Variants in GRM8 observed in about 807,000 individuals in gnomAD.
GRM8 encodes metabotropic glutamate receptor 8.
In GRM8, 47 loss-of-function variants were observed where a neutral mutation model predicts 87.2. The observed-to-expected ratio is 0.54, with a 90% CI of 0.43 to 0.69. The LOEUF (loss-of-function observed/expected upper bound fraction) is 0.69, where lower values mean the gene tolerates loss of function less well. Among genes scored for constraint, GRM8 ranks in the 30% least tolerant of loss-of-function variants. The pLI is 0.00. For missense variants in GRM8, 1,019 were observed against 1,139.2 expected (o/e 0.89, Z 1.52); for synonymous variants, 396 against 404.5 (o/e 0.98, Z 0.25).
chr7:126,477,569 A>AAGAAAGAAAGAG (rs1481443695), intron 9 of GRM8, among the ~76,000 whole-genome samples: 1 of 104,544 alleles, frequency 9.6e-6, no homozygotes, highest in African/African-American at 3.7e-5. Context: ...AAGAGAAAGA[A>AAGAAAGAAAGAG]AGAAAGAAAG....
At chr7:126,560,453 C>G (rs1230559458) in intron 8 of GRM8, among the ~76,000 whole-genome samples, 1 of 151,938 alleles carries the variant, frequency 6.6e-6, no homozygotes, top group African/African-American at 2.4e-5. Context: ...TTTTAGTCAG[C>G]CTTCTATTGT....
At chr7:127,033,033 T>C (rs1329562833) in intron 3 of GRM8, among the ~76,000 whole-genome samples, 3 of 147,288 alleles carry the variant, frequency 2.0e-5, no homozygotes, top group African/African-American at 7.6e-5. Context: ...TCTAACATGG[T>C]ATCTTGTTTT....
chr7:126,730,974 T>G lies in GRM8; in HGVS notation c.1357+38891A>C, dbSNP rs150923746. ...AATTGTTTGGTAAACATTACAGCAT[T>G]TTATTAACAAACCTTGTTAAAAGTT... On this transcript the variant is annotated intron_variant, in intron 7 of 10. Coordinates refer to ENST00000339582, the MANE Select transcript of GRM8 (RefSeq NM_000845.3). Among the ~76,000 whole-genome samples, 291 of 152,266 alleles carry G rather than the reference T, an allele frequency of 1.9e-3. 1 individual carries two copies. The highest frequency in any genetic ancestry group is 3.2e-3 in the Non-Finnish European group (220 of 67,992).
At chr7:127,015,001 AAAGAAG>A (rs538403014) in intron 3 of GRM8, among the ~76,000 whole-genome samples, 5,029 of 59,536 alleles carry the variant, frequency 0.084, 319 homozygotes, top group Middle Eastern at 0.12. Flanking sequence ...GAAGAAGAAG[AAAGAAG>A]AAGAAGAAGA....
chr7:127,009,085 T>C (rs113372729), intron 3 of GRM8, among the ~76,000 whole-genome samples: 1 of 151,942 alleles, frequency 6.6e-6, no homozygotes, highest in Non-Finnish European at 1.5e-5. Flanking sequence ...TTTTTTTTTT[T>C]CCATCCCTGC....
At chr7:126,690,514 T>C (rs908017975) in intron 7 of GRM8, among the ~76,000 whole-genome samples, 2 of 151,706 alleles carry the variant, frequency 1.3e-5, no homozygotes, top group Non-Finnish European at 2.9e-5. Flanking sequence ...GCCCCAAGAG[T>C]GTGTCACATC....
Position 127,085,597 on chromosome 7 carries a change from A to C in GRM8, c.727+20899T>G, listed in dbSNP as rs916873175. Among the ~76,000 whole-genome samples, 2 of 152,222 alleles carry C rather than the reference A, an allele frequency of 1.3e-5. 1 individual carries two copies. Among genetic ancestry groups the C allele is most frequent in the South Asian group, 4.1e-4 (2 of 4,834 alleles). On this transcript the variant is annotated intron_variant, in intron 3 of 10. Coordinates refer to ENST00000339582, the MANE Select transcript of GRM8 (RefSeq NM_000845.3). ...ATTTTTTCATATGTCTGTTGGCTGC[A>C]TAAATGTGTTCTTTTGAGAAGTGTC...
chr7:126,871,904 T>G (rs1276488441), intron 6 of GRM8, among the ~76,000 whole-genome samples: 1 of 152,204 alleles, frequency 6.6e-6, no homozygotes, highest in African/African-American at 2.4e-5. Context: ...GAGACAACTT[T>G]GTGGTTGATC....
chr7:126,853,192 T>C (rs1340160070), intron 6 of GRM8, among the ~76,000 whole-genome samples: 1 of 152,206 alleles, frequency 6.6e-6, no homozygotes, highest in Admixed American at 6.5e-5. Context: ...CCTTAGAGGA[T>C]GAAAGAATCA....
chr7:127,156,379 C>CT (rs1792734930), intron 2 of GRM8, among the ~76,000 whole-genome samples: 1 of 152,150 alleles, frequency 6.6e-6, no homozygotes, highest in Non-Finnish European at 1.5e-5. Flanking sequence ...CTCACTGTCC[C>CT]TCTCCACAGC....
In GRM8 at chr7:126,533,613, A is replaced by G. The variant is rs1815206913; in HGVS notation, c.1769T>C (p.Val590Ala). ...GGTGGCGATGATTCCCAATATTGCA[A>G]CAAACACAGGCACCACAGCCCAGGG... ...HSPWAVVPVFVAILGIIATTF... is the reference protein window; with the variant it reads ...HSPWAVVPVFAAILGIIATTF... The change falls in exon 9 of 11, where the codon GTT becomes GCT. Residue 590 changes from valine (V) to alanine (A), a missense_variant. By Grantham distance (64) the Val-to-Ala change is moderately conservative. Coordinates refer to ENST00000339582, the MANE Select transcript of GRM8 (RefSeq NM_000845.3). 6.2e-7 allele frequency: 1 copy of G among 1,614,018 alleles called. No individual in the cohort carries two copies. The highest frequency in any genetic ancestry group is 8.5e-7 in the Non-Finnish European group (1 of 1,180,024).
intron 8 of GRM8, among the ~76,000 whole-genome samples, chr7:126,547,984 C>A (rs935549029): frequency 6.6e-6 from 1 of 151,418 alleles, no homozygotes; most frequent in African/African-American, 2.4e-5. Flanking sequence ...ATAGGAGATA[C>A]GCCACAAAAA....
intron 3 of GRM8, among the ~76,000 whole-genome samples, chr7:126,936,458 C>T (rs538217524): frequency 7.2e-5 from 11 of 152,236 alleles, no homozygotes; most frequent in Admixed American, 1.3e-4. Flanking sequence ...CCCCACTATC[C>T]GCTGTTCACT....
chr7:127,227,675 A>AGG (rs945518340), intron 2 of GRM8, among the ~76,000 whole-genome samples: 11 of 152,242 alleles, frequency 7.2e-5, no homozygotes, highest in African/African-American at 2.7e-4. Flanking sequence ...CTTCCATGGA[A>AGG]AACTTCCTGA....
intron 8 of GRM8, among the ~76,000 whole-genome samples, chr7:126,559,358 A>T (rs1793465940): frequency 6.6e-6 from 1 of 151,684 alleles, no homozygotes; most frequent in South Asian, 2.1e-4. Context: ...TTTTTAGTAG[A>T]GACAGGGTTT....
intron 3 of GRM8, among the ~76,000 whole-genome samples, chr7:126,925,528 T>C (rs973821484): frequency 2.0e-5 from 3 of 152,140 alleles, no homozygotes; most frequent in Non-Finnish European, 2.9e-5. Flanking sequence ...TACAAAGACA[T>C]AAAGAAAAAT....
chr7:126,569,715 A>T (rs1242969160), intron 8 of GRM8, among the ~76,000 whole-genome samples: 2 of 152,198 alleles, frequency 1.3e-5, no homozygotes, highest in African/African-American at 4.8e-5. Flanking sequence ...TCCTGCCAGC[A>T]ATATAAATTA....
chr7:127,212,269 A>G (rs930196327), intron 2 of GRM8, among the ~76,000 whole-genome samples: 1 of 152,200 alleles, frequency 6.6e-6, no homozygotes, highest in African/African-American at 2.4e-5. Flanking sequence ...AAATGAATCA[A>G]CTGACTACAG....
intron 3 of GRM8, among the ~76,000 whole-genome samples, chr7:127,048,748 G>A (rs770642675): frequency 9.2e-5 from 14 of 152,170 alleles, no homozygotes; most frequent in African/African-American, 1.4e-4. Context: ...ATTTCACCTT[G>A]TGAAAATGCT....
Sources: gnomAD v4.1 joint callset for allele counts (sites outside exome capture counted in the v4.1 genomes callset) on GRCh38, gnomAD v4.1.1 for gene constraint, MANE v1.5 for transcripts, NCBI Gene and HGNC (gene_info 2026-07-23, HGNC 2026-07-21) for gene names.